The following RNMT variants were observed in gnomAD, a reference collection of about 807,000 sequenced individuals.
RNMT encodes mRNA cap guanine-N(7) methyltransferase.
RNMT carries 27 observed loss-of-function variants against 56.0 expected under a neutral mutation model. That is an observed-to-expected ratio of 0.48 (90% CI 0.36 to 0.67). The LOEUF (loss-of-function observed/expected upper bound fraction) is 0.67. Among genes scored for constraint, RNMT ranks in the 30% least tolerant of loss-of-function variants. The probability of loss-of-function intolerance (pLI) is 0.00; values close to 1 mark genes in which losing one functional copy is unlikely to be tolerated. For missense variants in RNMT, 519 were observed against 552.1 expected (o/e 0.94, Z 0.60); for synonymous variants, 184 against 176.2 (o/e 1.04, Z -0.35).
intron 9 of RNMT, among the ~76,000 whole-genome samples, chr18:13,749,461 C>T (rs1484574830): frequency 6.6e-6 from 1 of 152,112 alleles, no homozygotes; most frequent in African/African-American, 2.4e-5. Context: ...ATTTCTAATG[C>T]CTAAACTTGC....
rs1434208169 is a variant in RNMT at position 13,741,618 on chromosome 18, C to T, written c.901C>T (p.Leu301=). ...GTCTTATGAGCAGGCTGACATGATGCTGAGAAATGCGTGTGAGAGACTTAG... is the reference window on the plus strand; with the variant it reads ...GTCTTATGAGCAGGCTGACATGATGTTGAGAAATGCGTGTGAGAGACTTAG... ...FESYEQADMM[L]RNACERLSPG... is the part of the protein sequence containing the mutation. The change falls in exon 7 of 12, where the codon CTG becomes TTG. Residue 301 remains leucine (L), a synonymous_variant. Coordinates refer to ENST00000383314, the MANE Select transcript of RNMT (RefSeq NM_003799.3). The T allele has an allele frequency of 6.2e-7, 1 of 1,613,930 alleles. No homozygotes were observed. Among genetic ancestry groups the T allele is most frequent in the Non-Finnish European group, 8.5e-7 (1 of 1,179,856 alleles).
intron 3 of RNMT, among the ~76,000 whole-genome samples, chr18:13,732,738 C>A (rs2044092592): frequency 1.5e-4 from 2 of 13,368 alleles, no homozygotes; most frequent in Admixed American, 1.4e-3. Context: ...GAGGGGAGCC[C>A]CCCCTTTTTT....
chr18:13,729,510 A>G (rs1387081749), intron 1 of RNMT, among the ~76,000 whole-genome samples: 3 of 152,244 alleles, frequency 2.0e-5, no homozygotes, highest in Non-Finnish European at 4.4e-5. Flanking sequence ...TAGGAATTTG[A>G]TAAGTTGGTA....
intron 9 of RNMT, 71 bp downstream of exon 9, chr18:13,746,408 A>C (rs150831377): frequency 2.4e-4 from 203 of 851,516 alleles, no homozygotes; most frequent in Non-Finnish European, 3.8e-4. Flanking sequence ...AGATCCTTGC[A>C]AGGCCATCTG....
Position 13,761,068 on chromosome 18 carries a change from A to G in RNMT, c.*1089A>G, listed in dbSNP as rs2044613166. On this transcript the variant is annotated 3_prime_UTR_variant, in exon 12 of 12. Coordinates refer to ENST00000383314, the MANE Select transcript of RNMT (RefSeq NM_003799.3). Reference sequence around the variant, plus strand: ...CAGAGCAATTGAGTATTCTTTTTTAAATTATTAAGCCATGATTTACAAAAA... The same window carrying G: ...CAGAGCAATTGAGTATTCTTTTTTAGATTATTAAGCCATGATTTACAAAAA... The G allele has an allele frequency of 1.0e-6, 1 of 985,122 alleles. No homozygotes were observed. Among genetic ancestry groups the G allele is most frequent in the Non-Finnish European group, 1.2e-6 (1 of 829,752 alleles). The allele number at this position is 985,122 out of a possible 1,614,324, so 61.0% of individuals were successfully genotyped here.
chr18:13,753,566 T>C (rs1224723263), intron 10 of RNMT, among the ~76,000 whole-genome samples: 4 of 151,840 alleles, frequency 2.6e-5, no homozygotes. Flanking sequence ...CGTCAGGAGA[T>C]TGAGACCATC....
At chr18:13,739,646 A>G (rs894438529) in intron 5 of RNMT, among the ~76,000 whole-genome samples, 1 of 152,192 alleles carries the variant, frequency 6.6e-6, no homozygotes, top group African/African-American at 2.4e-5. Context: ...TTAGCTGGGC[A>G]TGGTGGCACA....
In RNMT at chr18:13,731,812, G is replaced by A; in HGVS notation, c.295G>A (p.Glu99Lys). The A allele has an allele frequency of 6.2e-7, 1 of 1,613,744 alleles. No homozygotes were observed. The highest frequency in any genetic ancestry group is 8.5e-7 in the Non-Finnish European group (1 of 1,179,972). Residue 99 changes from glutamate to lysine, a missense_variant, in exon 3 of 12, where the codon GAA becomes AAA. Physicochemically the swap from Glu to Lys is moderately conservative, Grantham distance 56. Coordinates refer to ENST00000383314, the MANE Select transcript of RNMT (RefSeq NM_003799.3). ...AGAGGAAAAAGATTGTGGTGATGCT[G>A]AAGGCAATTCAAAGAAAAGAAAAAG... ...VPEEKDCGDA[E>K]GNSKKRKRET...
At chr18:13,728,149 C>G (rs970985517) in intron 1 of RNMT, among the ~76,000 whole-genome samples, 2 of 151,822 alleles carry the variant, frequency 1.3e-5, no homozygotes, top group African/African-American at 2.4e-5. Flanking sequence ...AGAAGAAACT[C>G]ATCTCAATAG....
At chr18:13,733,323 A>C in intron 3 of RNMT, among the ~76,000 whole-genome samples, 1 of 152,216 alleles carries the variant, frequency 6.6e-6, no homozygotes, top group East Asian at 1.9e-4. Context: ...TACATGTAAC[A>C]TATATAATAG....
chr18:13,759,820 G>A (rs1000630211), intron 11 of RNMT, 122 bp from the exon 12 acceptor site: 14 of 730,446 alleles, frequency 1.9e-5, no homozygotes, highest in Non-Finnish European at 2.8e-5. Context: ...GAATTAATGG[G>A]GATTTTCCTC....
intron 3 of RNMT, 29 bp downstream of exon 3, chr18:13,731,963 T>A: frequency 6.6e-7 from 1 of 1,525,968 alleles, no homozygotes; most frequent in Non-Finnish European, 8.8e-7. Context: ...CATTTATTCA[T>A]AATAGAATAT....
In RNMT at chr18:13,745,705, T is replaced by G. The variant is rs560224975; in HGVS notation, c.1140-515T>G. 4.3e-5 allele frequency among the ~76,000 whole-genome samples: 6 copies of G among 138,748 alleles called. No homozygotes were observed. In the South Asian group the frequency reaches 1.3e-3, roughly 31 times the overall value. The allele number at this position is 138,748 out of a possible 152,430, so 91.0% of individuals were successfully genotyped here. ...GGTGGAAGTGAGTAGGGCTCTGGACTGTACTCTACAGAACCTTGAAGTTTA... is the reference window on the plus strand; with the variant it reads ...GGTGGAAGTGAGTAGGGCTCTGGACGGTACTCTACAGAACCTTGAAGTTTA... On this transcript the variant is annotated intron_variant, in intron 8 of 11. Transcript: ENST00000383314.
chr18:13,748,925 C>G (rs1408934314), intron 9 of RNMT, among the ~76,000 whole-genome samples: 1 of 152,008 alleles, frequency 6.6e-6, no homozygotes, highest in Non-Finnish European at 1.5e-5. Flanking sequence ...ACTAAAAATA[C>G]AAAATTAGCC....
At position 13,734,507 on chromosome 18, in the gene RNMT, A is replaced by G. The variant is rs766382597; in HGVS notation, c.461A>G (p.Asn154Ser). ...AGCTCAACAGTGGCTGCCCATTACA[A>G]TGAACTTCAGGAAGTTGGTTTGGAG... ...GHSSTVAAHYNELQEVGLEKR... is the reference protein window; with the variant it reads ...GHSSTVAAHYSELQEVGLEKR... The change falls in exon 4 of 12, where the codon AAT (asparagine) becomes AGT (serine). Residue 154 changes from asparagine (N) to serine (S), a missense_variant. Asn to Ser is a conservative substitution (Grantham distance 46). Transcript: ENST00000383314. 15 of 1,613,670 alleles carry G rather than the reference A, an allele frequency of 9.3e-6. No individual in the cohort carries two copies. In the South Asian group the frequency reaches 9.9e-5, roughly 11 times the overall value.
intron 11 of RNMT, among the ~76,000 whole-genome samples, chr18:13,756,669 G>A (rs755303788): frequency 2.0e-5 from 3 of 152,152 alleles, no homozygotes; most frequent in Non-Finnish European, 4.4e-5. Context: ...ATTGGAAACC[G>A]GTAAATAAGG....
rs755339721 is a variant in RNMT, at chr18:13,741,527, A to G, written c.810A>G (p.Lys270=). Residue 270 remains lysine (K), a synonymous_variant, in exon 7 of 12, where the codon AAA becomes AAG. Coordinates refer to ENST00000383314, the MANE Select transcript of RNMT (RefSeq NM_003799.3). ...ADSSKELLID[K]FRDPQMCFDI... ...TGTTTCAGGAACTTCTGATTGACAA[A>G]TTTCGTGACCCACAAATGTGTTTTG... The G allele has an allele frequency of 6.2e-7, 1 of 1,611,400 alleles. No individual in the cohort carries two copies. The highest frequency in any genetic ancestry group is 1.1e-5 in the South Asian group (1 of 90,286).
Position 13,764,414 on chromosome 18 carries a change from G to T in RNMT, c.*4435G>T, listed in dbSNP as rs1031053364. The T allele has an allele frequency of 6.6e-6, 1 of 152,100 alleles. No individual in the cohort carries two copies. The highest frequency in any genetic ancestry group is 2.4e-5 in the African/African-American group (1 of 41,416). 9.4% of individuals were successfully genotyped at this position (152,100 alleles called of 1,614,324 possible). Reference sequence around the variant, plus strand: ...TCTGGTTTGGGGAGATATATAAATGGAATTATGCATTCTTCGTATCTGGTT... The same window carrying T: ...TCTGGTTTGGGGAGATATATAAATGTAATTATGCATTCTTCGTATCTGGTT... On this transcript the variant is annotated 3_prime_UTR_variant, in exon 12 of 12. Transcript: ENST00000383314.
chr18:13,762,117 T>C lies in RNMT; in HGVS notation c.*2138T>C. On this transcript the variant is annotated 3_prime_UTR_variant, in exon 12 of 12. Transcript: ENST00000383314. ...AGAGCACCTGTTGCTGCAAGCTCAG[T>C]GAAGTGGGGCACTCCCAGACCTGCC... 1 of 1,535,924 alleles carries C rather than the reference T, an allele frequency of 6.5e-7. No individual in the cohort carries two copies. The highest frequency in any genetic ancestry group is 8.7e-7 in the Non-Finnish European group (1 of 1,146,824).
Sources: gnomAD v4.1 joint callset for allele counts (sites outside exome capture counted in the v4.1 genomes callset) on GRCh38, gnomAD v4.1.1 for gene constraint, MANE v1.5 for transcripts, NCBI Gene and HGNC (gene_info 2026-07-23, HGNC 2026-07-21) for gene names.